Variants in ZNF273 observed in about 807,000 individuals in gnomAD.
ZNF273 encodes the protein zinc finger protein 9.
Under a neutral mutation model 14.9 loss-of-function variants are expected in ZNF273, and 11 were observed. The ratio of observed to expected loss-of-function variants is 0.74; its 90% CI spans 0.46 to 1.22. The LOEUF is 1.22. Ranked by LOEUF, ZNF273 falls within the 50% of genes most tolerant of loss-of-function variation. ZNF273 has a pLI of 0.00. For missense variants in ZNF273, 577 were observed against 660.6 expected (o/e 0.87, Z 1.39); for synonymous variants, 199 against 223.9 (o/e 0.89, Z 0.99).
chr7:64,901,410 A>T (rs1032503427), upstream of ZNF273, among the ~76,000 whole-genome samples: 1 of 152,208 alleles, frequency 6.6e-6, no homozygotes, highest in Non-Finnish European at 1.5e-5. Context: ...TGGTGCAGAC[A>T]TGCTGATTTT....
downstream of ZNF273, chr7:64,882,651 CTCCCACG>C (rs1375283276): frequency 2.6e-5 from 4 of 152,328 alleles, no homozygotes; most frequent in African/African-American, 9.6e-5. Context: ...CCTCGGGATA[CTCCCACG>C]ATCTAGGACA....
chr7:64,877,839 G>A (rs7796284), exon 1 of ZNF273: 68,232 of 152,134 alleles, frequency 0.45, 15,625 homozygotes, highest in Admixed American at 0.5. Flanking sequence ...GTGTGGGTGT[G>A]AGTCTCCTTG....
downstream of ZNF273, among the ~76,000 whole-genome samples, chr7:64,935,900 G>A (rs1371014566): frequency 1.3e-5 from 2 of 152,088 alleles, no homozygotes; most frequent in African/African-American, 4.8e-5. Flanking sequence ...ATCAAAAATT[G>A]ATAAAAAATC....
At chr7:64,919,049 C>G (rs1794238166) in intron 3 of ZNF273, among the ~76,000 whole-genome samples, 1 of 152,016 alleles carries the variant, frequency 6.6e-6, no homozygotes, top group South Asian at 2.1e-4. Flanking sequence ...TACATTTAAT[C>G]CTGTTTTTGT....
chr7:64,885,057 G>A (rs969769890), intron 1 of ZNF273, among the ~76,000 whole-genome samples: 8 of 152,208 alleles, frequency 5.3e-5, no homozygotes, highest in East Asian at 1.9e-4. Flanking sequence ...CTTGGCTCGC[G>A]TGTCAGTGTA....
intron 3 of ZNF273, among the ~76,000 whole-genome samples, chr7:64,922,085 C>CT (rs1000623603): frequency 2.1e-5 from 3 of 145,134 alleles, no homozygotes; most frequent in African/African-American, 7.6e-5. Context: ...ATATTTTATG[C>CT]TTTTTTCTTA....
At chr7:64,926,404 T>C (rs1329600120) in intron 3 of ZNF273, among the ~76,000 whole-genome samples, 2 of 152,100 alleles carry the variant, frequency 1.3e-5, no homozygotes, top group Non-Finnish European at 2.9e-5. Context: ...TTTCCTACTT[T>C]TAAAATTTTT....
chr7:64,889,354 C>G, downstream of ZNF273: 1 of 963,074 alleles, frequency 1.0e-6, no homozygotes, highest in Non-Finnish European at 1.2e-6. This position sits in a 1 kb window ranked among gnomAD's most constrained non-coding sequence, Gnocchi z 4.2. Context: ...ACAGCTGGTG[C>G]TGAGGGTCCG....
rs1389995777 is a variant in ZNF273 at position 64,928,782 on chromosome 7, C to T, written c.1454C>T (p.Pro485Leu). 16 of 1,613,554 alleles carry T rather than the reference C, an allele frequency of 9.9e-6. No individual in the cohort carries two copies. Among genetic ancestry groups the T allele is most frequent in the African/African-American group, 2.7e-5 (2 of 74,872 alleles). ...EHKRVHTGEK[P>L]YKCNECGKAF... Reference sequence around the variant, plus strand: ...AAGAGAGTTCATACTGGAGAGAAACCTTACAAATGCAATGAATGTGGTAAA... The same window carrying T: ...AAGAGAGTTCATACTGGAGAGAAACTTTACAAATGCAATGAATGTGGTAAA... The change falls in exon 4 of 4, where the codon CCT (proline) becomes CTT (leucine). Residue 485 changes from proline (P) to leucine (L), a missense_variant. Pro to Leu is a moderately conservative substitution (Grantham distance 98, BLOSUM62 -3). Coordinates refer to ENST00000476120, the MANE Select transcript of ZNF273 (RefSeq NM_021148.3).
chr7:64,905,517 G>A (rs1165801643), intron 1 of ZNF273, among the ~76,000 whole-genome samples: 1 of 149,660 alleles, frequency 6.7e-6, no homozygotes, highest in African/African-American at 2.5e-5. Context: ...CAGATTGCTG[G>A]TCAGCCAATC....
At chr7:64,917,548 G>T (rs185063511) in intron 1 of ZNF273, 33 bp from the exon 2 acceptor site, 1 of 1,577,752 alleles carries the variant, frequency 6.3e-7, no homozygotes. Flanking sequence ...GAGCAAGTTG[G>T]TAAATATGTT....
chr7:64,904,524 C>T (rs1226120001), intron 1 of ZNF273, among the ~76,000 whole-genome samples: 1 of 152,186 alleles, frequency 6.6e-6, no homozygotes, highest in African/African-American at 2.4e-5. Context: ...GTGGCCCAAG[C>T]AGAGTCTCAA....
At chr7:64,924,189 A>G (rs1414846037) in intron 3 of ZNF273, 1 of 152,208 alleles carries the variant, frequency 6.6e-6, no homozygotes, top group Non-Finnish European at 1.5e-5. Context: ...TGTTATAGAA[A>G]GTAATCCATA....
intron 1 of ZNF273, among the ~76,000 whole-genome samples, chr7:64,914,031 CAG>C (rs1296025736): frequency 6.6e-6 from 1 of 151,650 alleles, no homozygotes; most frequent in Non-Finnish European, 1.5e-5. Context: ...GTTTTTGAGA[CAG>C]ATTTTTGCTC....
intron 1 of ZNF273, among the ~76,000 whole-genome samples, chr7:64,914,544 A>G (rs1336742760): frequency 6.6e-6 from 1 of 152,116 alleles, no homozygotes; most frequent in Non-Finnish European, 1.5e-5. Context: ...CCTTTGTACT[A>G]AAGGGTGGTC....
At chr7:64,884,483 T>G (rs1345579667), downstream of ZNF273, among the ~76,000 whole-genome samples, 2 of 152,176 alleles carry the variant, frequency 1.3e-5, no homozygotes, top group Non-Finnish European at 2.9e-5. Flanking sequence ...GTGTCCTTGT[T>G]GGATGCCAGT....
At chr7:64,919,790 T>C (rs1336641899) in intron 3 of ZNF273, among the ~76,000 whole-genome samples, 1 of 152,176 alleles carries the variant, frequency 6.6e-6, no homozygotes, top group East Asian at 1.9e-4. Context: ...GCTGATATAC[T>C]CAGTGTATTT....
At chr7:64,936,755 A>G in the ZNF273 span, among the ~76,000 whole-genome samples, 8 of 152,240 alleles carry the variant, frequency 5.3e-5, no homozygotes, top group East Asian at 1.9e-4. Flanking sequence ...GTTAAATAAC[A>G]GTGTTTTGCA....
downstream of ZNF273, among the ~76,000 whole-genome samples, chr7:64,894,273 G>A (rs1395402061): frequency 6.6e-6 from 1 of 152,006 alleles, no homozygotes; most frequent in Non-Finnish European, 1.5e-5. Flanking sequence ...CCAATGTGCC[G>A]GGATTACGGG....
Sources: allele counts gnomAD v4.1 joint callset (sites outside exome capture counted in the v4.1 genomes callset), GRCh38; gene constraint gnomAD v4.1.1; non-coding constraint Gnocchi (gnomAD v3.1); transcripts MANE v1.5; gene names NCBI Gene and HGNC (gene_info 2026-07-23, HGNC 2026-07-21).